The following CDH20 variants were observed in gnomAD, a reference collection of about 807,000 sequenced individuals.
CDH20 encodes the protein cadherin 20.
A neutral mutation model predicts 74.2 loss-of-function variants in CDH20; 29 were observed. That is an observed-to-expected ratio of 0.39 (90% confidence interval 0.29 to 0.53). The LOEUF (loss-of-function observed/expected upper bound fraction) is 0.53. Among genes scored for constraint, CDH20 ranks in the 20% least tolerant of loss-of-function variants. The pLI, the probability that CDH20 is intolerant of heterozygous loss-of-function variation, is 0.69. For missense variants in CDH20, 988 were observed against 1,048.3 expected, an observed-to-expected ratio of 0.94 and a Z score of 0.79; for synonymous variants, 469 against 405.4, an observed-to-expected ratio of 1.16 and a Z score of -1.88.
At chr18:61,341,846 T>C (rs1449256887) in intron 1 of CDH20, among the ~76,000 whole-genome samples, 1 of 152,246 alleles carries the variant, frequency 6.6e-6, no homozygotes, top group Non-Finnish European at 1.5e-5. Context: ...GGGTACATCT[T>C]CATTAACATC....
In CDH20 at chr18:61,555,704, A is replaced by G. The variant is rs541529222; in HGVS notation, c.*1009A>G. The G allele has an allele frequency of 5.2e-6, 5 of 964,288 alleles. No individual in the cohort carries two copies. In the African/African-American group the frequency reaches 8.8e-5, roughly 17 times the overall value. 59.7% of individuals were successfully genotyped at this position (964,288 alleles called of 1,614,324 possible). On this transcript the variant is annotated 3_prime_UTR_variant, in exon 12 of 12. Transcript: ENST00000262717. ...TACAAGTTTTGTATATTTGTTAATA[A>G]TTTTGGTAATAAATATGATGTACTG...
chr18:61,361,560 C>A (rs1204426459), intron 1 of CDH20, among the ~76,000 whole-genome samples: 6 of 152,150 alleles, frequency 3.9e-5, no homozygotes, highest in Non-Finnish European at 5.9e-5. Flanking sequence ...TCTCTTTGCT[C>A]AGTCACTCAC....
chr18:61,430,534 G>T (rs1913220086), intron 1 of CDH20, among the ~76,000 whole-genome samples: 1 of 152,112 alleles, frequency 6.6e-6, no homozygotes, highest in Admixed American at 6.5e-5. Context: ...CCACATTTAA[G>T]GACTTGGAAG....
chr18:61,445,244 C>G (rs904463885), intron 1 of CDH20, among the ~76,000 whole-genome samples: 1 of 151,936 alleles, frequency 6.6e-6, no homozygotes, highest in Admixed American at 6.6e-5. Context: ...TATGTGGTGT[C>G]TTACAGGCAC....
chr18:61,373,949 A>G (rs1911125210), intron 1 of CDH20, among the ~76,000 whole-genome samples: 1 of 152,116 alleles, frequency 6.6e-6, no homozygotes, highest in African/African-American at 2.4e-5. Context: ...CTTTCAATAC[A>G]GTTTTCCCAA....
At chr18:61,426,710 G>C (rs1028997818) in intron 1 of CDH20, among the ~76,000 whole-genome samples, 1 of 152,174 alleles carries the variant, frequency 6.6e-6, no homozygotes, top group South Asian at 2.1e-4. Context: ...CATATTGTGT[G>C]ATTCATTTTC....
intron 1 of CDH20, among the ~76,000 whole-genome samples, chr18:61,452,908 T>G (rs1199646253): frequency 1.3e-5 from 2 of 152,184 alleles, no homozygotes. Context: ...AAAAGTATTT[T>G]CAATAAAAAG....
intron 1 of CDH20, among the ~76,000 whole-genome samples, chr18:61,439,620 A>G (rs1908959204): frequency 6.6e-6 from 1 of 152,214 alleles, no homozygotes; most frequent in Non-Finnish European, 1.5e-5. Flanking sequence ...AATTCAGACT[A>G]AAAATCATTT....
chr18:61,429,739 A>G (rs1439929070), intron 1 of CDH20, among the ~76,000 whole-genome samples: 1 of 152,204 alleles, frequency 6.6e-6, no homozygotes, highest in East Asian at 1.9e-4. Context: ...ATTCCCAGTA[A>G]GATGCCTGTC....
intron 9 of CDH20, among the ~76,000 whole-genome samples, chr18:61,540,171 A>T (rs985783495): frequency 6.6e-6 from 1 of 152,094 alleles, no homozygotes; most frequent in African/African-American, 2.4e-5. Context: ...ATCCCCTAAT[A>T]GTCCTCATCT....
intron 1 of CDH20, among the ~76,000 whole-genome samples, chr18:61,408,164 A>G (rs9789238): frequency 0.2 from 29,732 of 152,022 alleles, 3,009 homozygotes; most frequent in Non-Finnish European, 0.24. Flanking sequence ...TAAATTATTA[A>G]GGGGGAAAAT....
chr18:61,464,315 T>TAA (rs35878314), intron 1 of CDH20, among the ~76,000 whole-genome samples: 9 of 146,910 alleles, frequency 6.1e-5, no homozygotes, highest in East Asian at 2.0e-4. Flanking sequence ...AGCAAGGTGT[T>TAA]AAAAAAAAAA....
intron 1 of CDH20, among the ~76,000 whole-genome samples, chr18:61,412,702 T>C (rs1424379322): frequency 6.6e-6 from 1 of 152,198 alleles, no homozygotes; most frequent in African/African-American, 2.4e-5. Context: ...AATCAAGCTA[T>C]TGCTTTAAAT....
chr18:61,465,737 G>T lies in CDH20; in HGVS notation c.-152-24665G>T, dbSNP rs190168405. ...GGATCAAAGCATCCAGAAAACACAGGGAAAGGAATATTTATGCATTTCTAA... is the reference window on the plus strand; with the variant it reads ...GGATCAAAGCATCCAGAAAACACAGTGAAAGGAATATTTATGCATTTCTAA... On this transcript the variant is annotated intron_variant, in intron 1 of 11. Transcript: ENST00000262717. Among the ~76,000 whole-genome samples the T allele has an allele frequency of 4.5e-4, 69 of 151,722 alleles. No homozygotes were observed. The East Asian group carries it at 0.012, about 25-fold the overall frequency.
At chr18:61,547,621 G>A (rs1913297553) in intron 10 of CDH20, among the ~76,000 whole-genome samples, 1 of 152,134 alleles carries the variant, frequency 6.6e-6, no homozygotes, top group African/African-American at 2.4e-5. Context: ...TGATAGATGA[G>A]GAAAGTAAGC....
In CDH20 at chr18:61,463,780, G is replaced by C. The variant is rs572121499; in HGVS notation, c.-152-26622G>C. On this transcript the variant is annotated intron_variant, in intron 1 of 11. Transcript: ENST00000262717. ...ACTCTGGGCACTGTGTCCTCACTCTGTCCAGGGGTGACGAAGATTCCAGGG... is the reference window on the plus strand; with the variant it reads ...ACTCTGGGCACTGTGTCCTCACTCTCTCCAGGGGTGACGAAGATTCCAGGG... Among the ~76,000 whole-genome samples, 25 of 152,276 alleles carry C rather than the reference G, an allele frequency of 1.6e-4. No individual in the cohort carries two copies. In the South Asian group the frequency reaches 5.0e-3, roughly 30 times the overall value.
At chr18:61,484,434 A>T (rs1910687899) in intron 1 of CDH20, among the ~76,000 whole-genome samples, 2 of 152,186 alleles carry the variant, frequency 1.3e-5, no homozygotes, top group South Asian at 2.1e-4. Flanking sequence ...GGGTGAAAGG[A>T]TCAGTAACAA....
At chr18:61,342,539 T>A (rs984275611) in intron 1 of CDH20, among the ~76,000 whole-genome samples, 4 of 152,226 alleles carry the variant, frequency 2.6e-5, no homozygotes, top group Non-Finnish European at 5.9e-5. Flanking sequence ...TGGCAAATTC[T>A]TTGGAACAGG....
intron 1 of CDH20, among the ~76,000 whole-genome samples, chr18:61,486,397 C>T (rs904818146): frequency 7.2e-5 from 11 of 152,168 alleles, no homozygotes; most frequent in Admixed American, 7.2e-4. Context: ...AATACACGAA[C>T]AACTTTTTAC....
Sources: allele counts gnomAD v4.1 joint callset (sites outside exome capture counted in the v4.1 genomes callset), GRCh38; gene constraint gnomAD v4.1.1; transcripts MANE v1.5; gene names NCBI Gene and HGNC (gene_info 2026-07-23, HGNC 2026-07-21).